TLK1: variants seen among roughly 807,000 people sequenced by gnomAD.
TLK1 encodes the protein serine/threonine-protein kinase tousled-like 1.
A neutral mutation model predicts 105.3 loss-of-function variants in TLK1; 24 were observed. That is an observed-to-expected ratio of 0.23 (90% CI 0.17 to 0.32). TLK1 has a LOEUF of 0.32. Ranked by LOEUF, TLK1 falls within the 10% of genes least tolerant of loss-of-function variation. The probability of loss-of-function intolerance (pLI) is 1.00; values close to 1 mark genes in which losing one functional copy is unlikely to be tolerated. For missense variants in TLK1, 558 were observed against 910.5 expected, an observed-to-expected ratio of 0.61 and a Z score of 4.98; for synonymous variants, 321 against 310.4, an observed-to-expected ratio of 1.03 and a Z score of -0.36.
At chr2:171,231,225 C>G (rs1349655682) in exon 1 of TLK1, 1 of 152,112 alleles carries the variant, frequency 6.6e-6, no homozygotes, top group Non-Finnish European at 1.5e-5. Context: ...CTAGGAGAAG[C>G]TAGGAGTCTG....
intron 2 of TLK1, among the ~76,000 whole-genome samples, chr2:171,115,575 G>A (rs890259291): frequency 2.6e-5 from 4 of 152,000 alleles, no homozygotes; most frequent in African/African-American, 7.2e-5. Flanking sequence ...TTCCACCCAC[G>A]ATGGCCAAGA....
chr2:171,100,876 C>T (rs1689660447), intron 2 of TLK1, among the ~76,000 whole-genome samples: 1 of 152,104 alleles, frequency 6.6e-6, no homozygotes, highest in African/African-American at 2.4e-5. Context: ...AAGAGTGTTC[C>T]TAACAGTTCA....
Position 171,058,192 on chromosome 2 carries a change from T to G in TLK1, c.412A>C (p.Ser138Arg). ...ENQNESSQGK[S>R]IGGRGHKISD... ...ATTTTGTGGCCACGTCCCCCAATAC[T>G]TTTTCCTAAAATATAAGAAGCGCAT... The change falls in exon 5 of 21, where the codon AGT (serine) becomes CGT (arginine). Residue 138 changes from serine to arginine, a missense_variant. Physicochemically the swap from Ser to Arg is moderately radical, Grantham distance 110 (BLOSUM62 -1). Transcript: ENST00000431350. 8 of 1,613,278 alleles carry G rather than the reference T, an allele frequency of 5.0e-6. No homozygotes were observed. Among genetic ancestry groups the G allele is most frequent in the Non-Finnish European group, 6.8e-6 (8 of 1,179,420 alleles).
intron 1 of TLK1, among the ~76,000 whole-genome samples, chr2:171,201,682 C>T (rs1693400384): frequency 6.6e-6 from 1 of 152,196 alleles, no homozygotes; most frequent in African/African-American, 2.4e-5. Flanking sequence ...TCTGGTACAA[C>T]TCTGAAGAAA....
intron 1 of TLK1, among the ~76,000 whole-genome samples, chr2:171,121,634 C>G: frequency 6.6e-6 from 1 of 152,116 alleles, no homozygotes; most frequent in East Asian, 1.9e-4. Flanking sequence ...AGGTAAACAA[C>G]AGATTGGAAG....
intron 1 of TLK1, among the ~76,000 whole-genome samples, chr2:171,128,997 C>T (rs1003007712): frequency 2.0e-5 from 3 of 151,958 alleles, no homozygotes; most frequent in Non-Finnish European, 2.9e-5. Flanking sequence ...TGTGTGTGCA[C>T]GTGTCCGTGT....
chr2:171,055,254 A>G, intron 6 of TLK1, 82 bp from the exon 7 acceptor site: 1 of 802,264 alleles, frequency 1.2e-6, no homozygotes, highest in Non-Finnish European at 1.9e-6. Context: ...ATTAGCAACA[A>G]TTACTTAACA....
chr2:171,081,322 G>A (rs1456492800), intron 3 of TLK1, among the ~76,000 whole-genome samples: 1 of 151,958 alleles, frequency 6.6e-6, no homozygotes, highest in Non-Finnish European at 1.5e-5. Context: ...ACCATGTTTT[G>A]CTTTTTTAAA....
chr2:170,996,491 A>G (rs1684069006), intron 20 of TLK1, among the ~76,000 whole-genome samples, 162 bp downstream of exon 20: 2 of 152,236 alleles, frequency 1.3e-5, no homozygotes, highest in African/African-American at 4.8e-5. Flanking sequence ...CCAGAGGCTG[A>G]TGCAACTCCT....
At chr2:171,099,074 G>A (rs1296986498) in intron 2 of TLK1, among the ~76,000 whole-genome samples, 1 of 151,968 alleles carries the variant, frequency 6.6e-6, no homozygotes, top group Non-Finnish European at 1.5e-5. Flanking sequence ...TCTAGTCAAT[G>A]AAAATTAGGC....
At chr2:171,143,814 C>G (rs1020004181) in intron 1 of TLK1, among the ~76,000 whole-genome samples, 2 of 151,712 alleles carry the variant, frequency 1.3e-5, no homozygotes, top group African/African-American at 4.8e-5. Context: ...CTATAGAAAA[C>G]AAAACAAAGT....
intron 1 of TLK1, among the ~76,000 whole-genome samples, chr2:171,142,986 C>A (rs1332386457): frequency 6.6e-6 from 1 of 152,086 alleles, no homozygotes; most frequent in African/African-American, 2.4e-5. Flanking sequence ...TCGCTTGAAC[C>A]CAGAATCACT....
At chr2:170,996,878 C>G (rs1363071957) in intron 19 of TLK1, 118 bp from the exon 20 acceptor site, 1 of 823,822 alleles carries the variant, frequency 1.2e-6, no homozygotes, top group African/African-American at 1.7e-5. Context: ...GTTCTAAAAT[C>G]TTCCTCAGTT....
Position 171,160,568 on chromosome 2 carries a change from G to A in TLK1, c.-140C>T. 1.4e-6 allele frequency: 2 copies of A among 1,426,726 alleles called. No homozygotes were observed. Among genetic ancestry groups the A allele is most frequent in the Non-Finnish European group, 1.9e-6 (2 of 1,060,114 alleles). 88.4% of individuals were successfully genotyped at this position (1,426,726 alleles called of 1,614,324 possible). A position where few individuals can be genotyped will look rare whatever the true frequency, so the allele number is the denominator to read the frequency against. ...GCTGGGAGGGGAGAGTCAAGGGGATGGGGGAGGAAACCGAGAAGAGGGGAG... is the reference window on the plus strand; with the variant it reads ...GCTGGGAGGGGAGAGTCAAGGGGATAGGGGAGGAAACCGAGAAGAGGGGAG... On this transcript the variant is annotated 5_prime_UTR_variant, in exon 1 of 21. Transcript: ENST00000431350. The surrounding 1 kb of genome is among the most constrained non-coding windows in gnomAD (Gnocchi z 4.4).
chr2:171,159,485 CTT>C (rs1251001349), intron 1 of TLK1: 2 of 152,222 alleles, frequency 1.3e-5, no homozygotes, highest in Non-Finnish European at 2.9e-5. Context: ...AGCCAGAAAA[CTT>C]AGAAAACAAT....
At chr2:171,106,649 C>G (rs892142812) in intron 2 of TLK1, among the ~76,000 whole-genome samples, 1 of 152,150 alleles carries the variant, frequency 6.6e-6, no homozygotes, top group Non-Finnish European at 1.5e-5. Context: ...GCTAGAGCAC[C>G]GTTGCTACCA....
At chr2:171,049,777 G>T (rs372959311) in intron 10 of TLK1, 37 bp downstream of exon 10, 24 of 1,608,792 alleles carry the variant, frequency 1.5e-5, no homozygotes, top group Non-Finnish European at 2.0e-5. Context: ...AAACCCAAAC[G>T]AATACTAAAA....
intron 1 of TLK1, among the ~76,000 whole-genome samples, chr2:171,169,558 C>T (rs1167185097): frequency 1.3e-5 from 2 of 152,168 alleles, no homozygotes; most frequent in Non-Finnish European, 1.5e-5. Flanking sequence ...TACAGGCATG[C>T]ACCACCAGGC....
intron 1 of TLK1, among the ~76,000 whole-genome samples, chr2:171,224,391 CT>C (rs1693862841): frequency 6.6e-6 from 1 of 151,918 alleles, no homozygotes. Context: ...AAGTTTTGTT[CT>C]TTTTGCTCAG....
Sources: allele counts gnomAD v4.1 joint callset (sites outside exome capture counted in the v4.1 genomes callset), GRCh38; gene constraint gnomAD v4.1.1; non-coding constraint Gnocchi (gnomAD v3.1); transcripts MANE v1.5; gene names NCBI Gene and HGNC (gene_info 2026-07-23, HGNC 2026-07-21).